ROCK2: variants seen among roughly 807,000 people sequenced by gnomAD.
ROCK2 encodes rho-associated protein kinase 2.
Under a neutral mutation model 195.1 loss-of-function variants are expected in ROCK2, and 61 were observed. The ratio of observed to expected loss-of-function variants is 0.31; its 90% CI spans 0.25 to 0.39. The LOEUF is 0.39. Ranked by LOEUF, ROCK2 falls within the 10% of genes least tolerant of loss-of-function variation. The probability of loss-of-function intolerance (pLI) is 1.00; values close to 1 mark genes in which losing one functional copy is unlikely to be tolerated. For synonymous variants in ROCK2, 504 were observed against 545.5 expected (o/e 0.92, Z 1.06); for missense variants, 1,109 against 1,637.4 (o/e 0.68, Z 5.57).
intron 1 of ROCK2, among the ~76,000 whole-genome samples, chr2:11,289,269 T>TCA (rs1048162873): frequency 6.6e-6 from 1 of 151,928 alleles, no homozygotes; most frequent in Non-Finnish European, 1.5e-5. Flanking sequence ...ATAAACAACA[T>TCA]CACACACACA....
At chr2:11,286,894 T>G (rs932593926) in intron 2 of ROCK2, among the ~76,000 whole-genome samples, 1 of 152,156 alleles carries the variant, frequency 6.6e-6, no homozygotes, top group South Asian at 2.1e-4. Context: ...TGTTTCTGAT[T>G]CTGTTGCTTA....
chr2:11,274,282 CACA>C (rs532976220), intron 3 of ROCK2, among the ~76,000 whole-genome samples: 14 of 151,142 alleles, frequency 9.3e-5, no homozygotes, highest in South Asian at 4.2e-4. Context: ...AAACAGAGAA[CACA>C]ACAACAACAA....
Position 11,259,990 on chromosome 2 carries a change from T to C in ROCK2, c.325-10192A>G, listed in dbSNP as rs540746714. 2.0e-5 allele frequency among the ~76,000 whole-genome samples: 3 copies of C among 150,840 alleles called. 1 individual carries two copies. The highest frequency in any genetic ancestry group is 1.3e-4 in the Admixed American group (2 of 15,226). On this transcript the variant is annotated intron_variant, in intron 3 of 32. Coordinates refer to ENST00000315872, the MANE Select transcript of ROCK2 (RefSeq NM_004850.5). ...GGACTATGAAAACACAGGTGGGGAGTGGGAATTTAAGGAATGAATTATCCT... is the reference window on the plus strand; with the variant it reads ...GGACTATGAAAACACAGGTGGGGAGCGGGAATTTAAGGAATGAATTATCCT...
chr2:11,242,659 C>T (rs760712199), intron 4 of ROCK2, among the ~76,000 whole-genome samples: 1 of 152,142 alleles, frequency 6.6e-6, no homozygotes, highest in African/African-American at 2.4e-5. Flanking sequence ...TTAATCCTAT[C>T]GCCCATATGT....
intron 1 of ROCK2, among the ~76,000 whole-genome samples, chr2:11,321,204 C>T (rs1171430097): frequency 6.6e-6 from 1 of 152,130 alleles, no homozygotes; most frequent in East Asian, 1.9e-4. Context: ...GAAACAGAGT[C>T]TCACTCTGTC....
intron 3 of ROCK2, among the ~76,000 whole-genome samples, chr2:11,282,032 C>CA (rs1460373366): frequency 6.6e-6 from 1 of 152,058 alleles, no homozygotes; most frequent in African/African-American, 2.4e-5. Flanking sequence ...TATGGAGAAG[C>CA]AAAAGACCCA....
intron 1 of ROCK2, among the ~76,000 whole-genome samples, chr2:11,293,640 CCTTT>C (rs1313038964): frequency 6.6e-6 from 1 of 152,064 alleles, no homozygotes; most frequent in Non-Finnish European, 1.5e-5. Flanking sequence ...CCTGATTTTG[CCTTT>C]CTTTAAAATT....
At chr2:11,298,633 T>C (rs1004717191) in intron 1 of ROCK2, among the ~76,000 whole-genome samples, 5 of 152,176 alleles carry the variant, frequency 3.3e-5, no homozygotes, top group Admixed American at 2.0e-4. Flanking sequence ...GTCTGCTACA[T>C]TTCAATGAAA....
intron 1 of ROCK2, among the ~76,000 whole-genome samples, chr2:11,330,729 G>A (rs1211692326): frequency 1.8e-5 from 2 of 108,466 alleles, no homozygotes; most frequent in Admixed American, 2.0e-4. Flanking sequence ...AGGGAGGAGG[G>A]AAGATGAGGA....
At chr2:11,338,005 T>C (rs1668985027) in intron 1 of ROCK2, among the ~76,000 whole-genome samples, 1 of 152,052 alleles carries the variant, frequency 6.6e-6, no homozygotes, top group South Asian at 2.1e-4. Context: ...CTACAAGGTA[T>C]TTAATTTACC....
rs371977002 is a variant in ROCK2, at chr2:11,218,984, T to C, written c.1302A>G (p.Ile434Met). The C allele has an allele frequency of 4.1e-6, 6 of 1,473,346 alleles. No homozygotes were observed. The highest frequency in any genetic ancestry group is 1.4e-5 in the African/African-American group (1 of 72,330). 91.3% of individuals were successfully genotyped at this position (1,473,346 alleles called of 1,614,324 possible). A position where few individuals can be genotyped will look rare whatever the true frequency, so the allele number is the denominator to read the frequency against. Reference protein sequence around the residue: ...DSPSCRETDSIQSRKNEESQE... With the variant: ...DSPSCRETDSMQSRKNEESQE... Reference sequence around the variant, plus strand: ...TACGTACTTCATTTTTCCTTGATTGTATGGAATCAGTTTCTCTACAAGATG... The same window carrying C: ...TACGTACTTCATTTTTCCTTGATTGCATGGAATCAGTTTCTCTACAAGATG... Residue 434 changes from isoleucine to methionine, a missense_variant, in exon 10 of 33, where the codon ATA (isoleucine) becomes ATG (methionine). Around this residue, in one of 6 missense-constraint regions of ROCK2, gnomAD observed 542 missense variants for 672.0 expected, o/e 0.81. Coordinates refer to ENST00000315872, the MANE Select transcript of ROCK2 (RefSeq NM_004850.5).
chr2:11,194,881 A>T (rs1250828674), intron 28 of ROCK2, 74 bp downstream of exon 28: 1 of 761,686 alleles, frequency 1.3e-6, no homozygotes, highest in East Asian at 2.6e-5. Flanking sequence ...TATATCCTAC[A>T]ACTACAAAAG....
intron 4 of ROCK2, 151 bp from the exon 5 acceptor site, chr2:11,236,113 C>G: frequency 1.4e-6 from 1 of 715,572 alleles, no homozygotes; most frequent in East Asian, 2.9e-5. Flanking sequence ...ATTTTAGACT[C>G]AGGCGTATGT....
rs1668808172 is a variant in ROCK2, at chr2:11,332,706, A to T, written c.141+11290T>A. Among the ~76,000 whole-genome samples the T allele has an allele frequency of 2.0e-5, 3 of 152,354 alleles. No homozygotes were observed. The South Asian group carries it at 6.2e-4, about 32-fold the overall frequency. ...CTGCAGTTTCTCAAAAGTTAAGCAT[A>T]AATTTACCATATGACCCTGCAGTCC... On this transcript the variant is annotated intron_variant, in intron 1 of 32. Coordinates refer to ENST00000315872, the MANE Select transcript of ROCK2 (RefSeq NM_004850.5).
At chr2:11,314,648 C>T (rs1397093888) in intron 1 of ROCK2, among the ~76,000 whole-genome samples, 1 of 151,964 alleles carries the variant, frequency 6.6e-6, no homozygotes, top group Non-Finnish European at 1.5e-5. Context: ...TGTATCATAA[C>T]TAAATGTGGC....
At chr2:11,270,342 T>G (rs1007068041) in intron 3 of ROCK2, among the ~76,000 whole-genome samples, 4 of 152,196 alleles carry the variant, frequency 2.6e-5, no homozygotes, top group Non-Finnish European at 5.9e-5. Context: ...AATCTAACGT[T>G]TAAGACATTT....
intron 1 of ROCK2, among the ~76,000 whole-genome samples, chr2:11,315,540 T>C (rs1423657956): frequency 6.6e-6 from 1 of 152,096 alleles, no homozygotes; most frequent in Non-Finnish European, 1.5e-5. Flanking sequence ...CATTTTCCAG[T>C]TTTCTGTAAT....
At chr2:11,322,962 T>A (rs1236868036) in intron 1 of ROCK2, among the ~76,000 whole-genome samples, 1 of 152,174 alleles carries the variant, frequency 6.6e-6, no homozygotes, top group Non-Finnish European at 1.5e-5. Context: ...CTCTCTTCAC[T>A]TGCAGACATG....
intron 1 of ROCK2, among the ~76,000 whole-genome samples, chr2:11,296,307 A>G (rs1558370380): frequency 6.6e-6 from 1 of 152,178 alleles, no homozygotes; most frequent in African/African-American, 2.4e-5. Context: ...AAAAGATACA[A>G]CAAACAGATA....
Sources: allele counts gnomAD v4.1 joint callset (sites outside exome capture counted in the v4.1 genomes callset), GRCh38; gene constraint gnomAD v4.1.1; regional missense constraint gnomAD v4.1.1; transcripts MANE v1.5; gene names NCBI Gene and HGNC (gene_info 2026-07-23, HGNC 2026-07-21).